The following ROBO2 variants were observed in gnomAD, a reference collection of about 807,000 sequenced individuals.
ROBO2 encodes the protein roundabout homolog 2.
ROBO2 carries 53 observed loss-of-function variants against 160.8 expected under a neutral mutation model. The observed-to-expected ratio is 0.33, with a 90% CI of 0.26 to 0.41. The LOEUF (loss-of-function observed/expected upper bound fraction) is 0.41. ROBO2 is among the 10% of genes least tolerant of loss of function. The pLI is 1.00. For missense variants in ROBO2, 1,577 were observed against 1,722.4 expected (o/e 0.92, Z 1.49); for synonymous variants, 664 against 611.7 (o/e 1.09, Z -1.26).
intron 2 of ROBO2, among the ~76,000 whole-genome samples, chr3:76,223,692 A>G (rs1313053852): frequency 1.3e-5 from 2 of 152,158 alleles, no homozygotes; most frequent in East Asian, 3.9e-4. Context: ...AGTATCAGCA[A>G]TATCAGCCCT....
At chr3:77,367,195 A>G (rs967975741) in intron 2 of ROBO2, among the ~76,000 whole-genome samples, 2 of 152,100 alleles carry the variant, frequency 1.3e-5, no homozygotes, top group Admixed American at 6.6e-5. Context: ...GTATGATCAT[A>G]TTTTTATGTG....
At chr3:76,924,804 A>G (rs2076876441) in intron 2 of ROBO2, among the ~76,000 whole-genome samples, 1 of 152,238 alleles carries the variant, frequency 6.6e-6, no homozygotes, top group Non-Finnish European at 1.5e-5. Flanking sequence ...CTGAACTCTC[A>G]GAATTTTCAT....
intron 2 of ROBO2, among the ~76,000 whole-genome samples, chr3:76,218,455 T>A (rs1031740006): frequency 1.3e-5 from 2 of 152,174 alleles, no homozygotes; most frequent in Non-Finnish European, 2.9e-5. Context: ...GATAAGCAAC[T>A]TCAGCAAAGT....
At position 77,493,231 on chromosome 3, in the gene ROBO2, T is replaced by G; in HGVS notation, c.668-13T>G. ...TTATCTCATTTTACCATTGTTTCAT[T>G]TTTTTTTTCAAGAACGACCCACATT... On this transcript the variant is annotated splice_polypyrimidine_tract_variant and intron_variant, in intron 4 of 25. Coordinates refer to ENST00000461745, the Ensembl canonical transcript of ROBO2. The G allele has an allele frequency of 6.2e-7, 1 of 1,610,462 alleles. No homozygotes were observed. Among genetic ancestry groups the G allele is most frequent in the Non-Finnish European group, 8.5e-7 (1 of 1,177,310 alleles).
chr3:76,438,608 T>C (rs2076788366), intron 2 of ROBO2, among the ~76,000 whole-genome samples: 1 of 152,048 alleles, frequency 6.6e-6, no homozygotes, highest in Non-Finnish European at 1.5e-5. Context: ...AAAAATTAGT[T>C]TGAAAGATTA....
chr3:77,071,096 A>G (rs965275424), intron 1 of ROBO2, among the ~76,000 whole-genome samples: 4 of 152,190 alleles, frequency 2.6e-5, no homozygotes, highest in African/African-American at 9.6e-5. Flanking sequence ...CTGTGAAAGG[A>G]AAGTCCCTTC....
chr3:76,385,045 A>T (rs1221190145), intron 2 of ROBO2, among the ~76,000 whole-genome samples: 1 of 152,148 alleles, frequency 6.6e-6, no homozygotes, highest in Non-Finnish European at 1.5e-5. Flanking sequence ...CCTTGCTTTT[A>T]GTGCAGTGGT....
At chr3:76,109,418 CTAA>C (rs546961798) in intron 2 of ROBO2, among the ~76,000 whole-genome samples, 14 of 152,110 alleles carry the variant, frequency 9.2e-5, no homozygotes, top group Non-Finnish European at 1.6e-4. Context: ...ACCACTACTA[CTAA>C]TAATACCATA....
intron 2 of ROBO2, among the ~76,000 whole-genome samples, chr3:76,290,647 A>C (rs540538596): frequency 4.3e-4 from 65 of 152,096 alleles, no homozygotes; most frequent in African/African-American, 1.4e-3. Context: ...GCATCATGTC[A>C]GTTGTGGGTC....
intron 2 of ROBO2, among the ~76,000 whole-genome samples, chr3:76,773,713 T>A (rs527739415): frequency 3.2e-4 from 49 of 151,026 alleles, no homozygotes; most frequent in African/African-American, 1.1e-3. Context: ...TCCTATATCA[T>A]ATATAGTCAT....
At chr3:77,054,307 T>C (rs2065505703) in intron 1 of ROBO2, among the ~76,000 whole-genome samples, 3 of 152,190 alleles carry the variant, frequency 2.0e-5, no homozygotes, top group Non-Finnish European at 4.4e-5. Flanking sequence ...GTATTACACA[T>C]ATTAGGGCTT....
intron 2 of ROBO2, among the ~76,000 whole-genome samples, chr3:77,181,513 A>G (rs1422086475): frequency 6.6e-6 from 1 of 152,140 alleles, no homozygotes; most frequent in Admixed American, 6.6e-5. Flanking sequence ...TGGAAAATTA[A>G]AGAAAATCAA....
chr3:77,199,842 G>A (rs1003543876), intron 2 of ROBO2, among the ~76,000 whole-genome samples: 1 of 151,048 alleles, frequency 6.6e-6, no homozygotes, highest in Non-Finnish European at 1.5e-5. Flanking sequence ...TGCCAAGGCT[G>A]GTCTTGAACT....
intron 2 of ROBO2, among the ~76,000 whole-genome samples, chr3:76,107,168 G>T (rs2069976381): frequency 6.6e-6 from 1 of 152,060 alleles, no homozygotes; most frequent in Non-Finnish European, 1.5e-5. Context: ...GAAACTGGCA[G>T]GTATTTGTTC....
intron 2 of ROBO2, among the ~76,000 whole-genome samples, chr3:76,928,490 C>G (rs185389502): frequency 2.9e-4 from 43 of 148,804 alleles, no homozygotes; most frequent in African/African-American, 1.1e-3. Flanking sequence ...AACTAGAACA[C>G]TCAAATAACA....
At chr3:77,054,681 G>A (rs1226604228) in intron 1 of ROBO2, among the ~76,000 whole-genome samples, 1 of 152,124 alleles carries the variant, frequency 6.6e-6, no homozygotes, top group Non-Finnish European at 1.5e-5. Flanking sequence ...ATGTAAGAGA[G>A]TGATAGAAAT....
chr3:76,881,774 G>T (rs2073356955), intron 2 of ROBO2, among the ~76,000 whole-genome samples: 1 of 152,204 alleles, frequency 6.6e-6, no homozygotes, highest in East Asian at 1.9e-4. Context: ...GCATCTAAAT[G>T]GGGCCCTGTG....
At chr3:76,523,449 T>G (rs927135427) in intron 2 of ROBO2, among the ~76,000 whole-genome samples, 2 of 152,084 alleles carry the variant, frequency 1.3e-5, no homozygotes, top group African/African-American at 4.8e-5. Context: ...CTAAACTCTT[T>G]GTTTTAGAAA....
chr3:76,400,002 G>A (rs112304162), intron 2 of ROBO2, among the ~76,000 whole-genome samples: 4,238 of 151,544 alleles, frequency 0.028, 195 homozygotes, highest in African/African-American at 0.097. Flanking sequence ...TGGATATTAC[G>A]ACAAGTGTAG....
Sources: gnomAD v4.1 joint callset for allele counts (sites outside exome capture counted in the v4.1 genomes callset) on GRCh38, gnomAD v4.1.1 for gene constraint, MANE v1.5 for transcripts, NCBI Gene and HGNC (gene_info 2026-07-23, HGNC 2026-07-21) for gene names.